The following CDH18 variants were observed in gnomAD, a reference collection of about 807,000 sequenced individuals.
CDH18 encodes cadherin 18.
In CDH18, 31 loss-of-function variants were observed where a neutral mutation model predicts 67.9. The ratio of observed to expected loss-of-function variants is 0.46; its 90% CI spans 0.34 to 0.62. CDH18 has a LOEUF of 0.62. Ranked by LOEUF, CDH18 falls within the 20% of genes least tolerant of loss-of-function variation. The probability of loss-of-function intolerance (pLI) is 0.01; values close to 1 mark genes in which losing one functional copy is unlikely to be tolerated. For missense variants in CDH18, 890 were observed against 975.5 expected (o/e 0.91, Z 1.17); for synonymous variants, 362 against 347.2 (o/e 1.04, Z -0.48).
intron 1 of CDH18, among the ~76,000 whole-genome samples, chr5:20,518,657 TA>T (rs1340861455): frequency 6.6e-6 from 1 of 152,254 alleles, no homozygotes. Context: ...TTGCCAAAAG[TA>T]CACTATTAAG....
chr5:20,373,672 C>T (rs1743187376), intron 1 of CDH18, among the ~76,000 whole-genome samples: 1 of 144,874 alleles, frequency 6.9e-6, no homozygotes, highest in African/African-American at 2.8e-5. Context: ...AATAAATACA[C>T]AAGCACAATT....
At position 19,576,867 on chromosome 5, in the gene CDH18, A is replaced by T. The variant is rs138477698; in HGVS notation, c.1000-5035T>A. Among the ~76,000 whole-genome samples the T allele has an allele frequency of 5.9e-5, 9 of 152,340 alleles. No homozygotes were observed. The East Asian group carries it at 1.4e-3, about 23-fold the overall frequency. ...ATTCATCCACGAATAAAAGGATTTT[A>T]AAAAATTGTGGTGTAGATACACAGT... On this transcript the variant is annotated intron_variant, in intron 7 of 12. Coordinates refer to ENST00000382275, the MANE Select transcript of CDH18 (RefSeq NM_004934.5).
intron 2 of CDH18, among the ~76,000 whole-genome samples, chr5:19,940,328 C>T (rs1794689111): frequency 6.6e-6 from 1 of 151,798 alleles, no homozygotes. Flanking sequence ...CCTATCTCCT[C>T]TACAATCTTC....
At chr5:20,567,389 G>C (rs183898540) in intron 1 of CDH18, among the ~76,000 whole-genome samples, 1 of 151,682 alleles carries the variant, frequency 6.6e-6, no homozygotes, top group African/African-American at 2.4e-5. Context: ...TTTTCTCAAT[G>C]ACAGCTACTT....
At chr5:20,571,935 G>A (rs1758843022) in intron 1 of CDH18, among the ~76,000 whole-genome samples, 1 of 152,020 alleles carries the variant, frequency 6.6e-6, no homozygotes, top group African/African-American at 2.4e-5. Context: ...CCCTAACCAA[G>A]TCCTGCAGTA....
intron 3 of CDH18, among the ~76,000 whole-genome samples, chr5:19,783,781 A>C (rs1039522372): frequency 6.6e-6 from 1 of 152,142 alleles, no homozygotes; most frequent in Non-Finnish European, 1.5e-5. Context: ...ACTAACTATT[A>C]ATTCTCATTT....
chr5:19,666,369 T>C (rs1000862232), intron 5 of CDH18, among the ~76,000 whole-genome samples: 2 of 151,232 alleles, frequency 1.3e-5, no homozygotes, highest in Non-Finnish European at 2.9e-5. Flanking sequence ...TGGCCTTCCA[T>C]AGTTTTGGGA....
rs532790108 is a variant in CDH18, at chr5:19,941,637, G to A, written c.-257+39423C>T. Among the ~76,000 whole-genome samples the A allele has an allele frequency of 7.2e-5, 11 of 151,790 alleles. No homozygotes were observed. In the South Asian group the frequency reaches 2.1e-3, roughly 29 times the overall value. ...ATCCCTACAAAAAAGAAAAAAAAGAGTTAACTGGGCATAGTGGCACATACC... is the reference window on the plus strand; with the variant it reads ...ATCCCTACAAAAAAGAAAAAAAAGAATTAACTGGGCATAGTGGCACATACC... On this transcript the variant is annotated intron_variant, in intron 2 of 12. Transcript: ENST00000382275.
chr5:20,368,661 A>G (rs1330662031), intron 1 of CDH18, among the ~76,000 whole-genome samples: 1 of 152,138 alleles, frequency 6.6e-6, no homozygotes, highest in Non-Finnish European at 1.5e-5. Flanking sequence ...AATTTGATAA[A>G]TTTTAGCTTT....
intron 2 of CDH18, among the ~76,000 whole-genome samples, chr5:20,250,556 G>T (rs998370592): frequency 7.4e-6 from 1 of 135,082 alleles, no homozygotes; most frequent in Non-Finnish European, 1.5e-5. Flanking sequence ...CTCCTAAAGT[G>T]CTGGGATTAC....
intron 8 of CDH18, among the ~76,000 whole-genome samples, chr5:19,544,270 C>T (rs1580120880): frequency 1.3e-5 from 2 of 151,590 alleles, no homozygotes; most frequent in South Asian, 4.1e-4. Context: ...ATAGCAGAAA[C>T]AGCGATTAAT....
At chr5:19,584,566 G>C (rs1006634780) in intron 7 of CDH18, among the ~76,000 whole-genome samples, 2 of 151,972 alleles carry the variant, frequency 1.3e-5, no homozygotes, top group African/African-American at 4.8e-5. Flanking sequence ...ATAACTCTGA[G>C]ATTGATAATC....
At chr5:19,492,459 A>G (rs1212173396) in intron 11 of CDH18, among the ~76,000 whole-genome samples, 1 of 152,166 alleles carries the variant, frequency 6.6e-6, no homozygotes, top group Non-Finnish European at 1.5e-5. Flanking sequence ...TATTCACTAT[A>G]GATGTGAAGT....
At chr5:20,516,578 G>A (rs1262817762) in intron 1 of CDH18, among the ~76,000 whole-genome samples, 1 of 151,806 alleles carries the variant, frequency 6.6e-6, no homozygotes, top group African/African-American at 2.4e-5. Context: ...CAGTATCTGG[G>A]ATAAGAATGC....
At position 19,815,375 on chromosome 5, in the gene CDH18, A is replaced by T. The variant is rs112092411; in HGVS notation, c.228+23384T>A. 3.2e-3 allele frequency among the ~76,000 whole-genome samples: 485 copies of T among 152,090 alleles called. 2 individuals carry two copies. The highest frequency in any genetic ancestry group is 9.5e-3 in the African/African-American group (395 of 41,552). ...ATGTTTATATAGTTATCATCTTGAC[A>T]ATATTGGATGACAATTGAGACCTTT... On this transcript the variant is annotated intron_variant, in intron 3 of 12. Transcript: ENST00000382275.
At chr5:20,424,215 A>G (rs1748096520) in intron 1 of CDH18, among the ~76,000 whole-genome samples, 1 of 150,856 alleles carries the variant, frequency 6.6e-6, no homozygotes, top group South Asian at 2.1e-4. Context: ...TGCTAAGACA[A>G]ATTACTCTGA....
intron 3 of CDH18, among the ~76,000 whole-genome samples, chr5:19,831,945 T>C (rs1781082675): frequency 6.6e-6 from 1 of 152,072 alleles, no homozygotes; most frequent in South Asian, 2.1e-4. Flanking sequence ...AACAAAATCA[T>C]GTCCTTTGCA....
At chr5:19,773,389 G>A (rs1349155249) in intron 3 of CDH18, among the ~76,000 whole-genome samples, 1 of 152,170 alleles carries the variant, frequency 6.6e-6, no homozygotes, top group East Asian at 1.9e-4. Context: ...GGATATAGCA[G>A]AAGCAAAATT....
intron 1 of CDH18, among the ~76,000 whole-genome samples, chr5:20,365,216 G>A (rs925926256): frequency 1.3e-5 from 2 of 152,166 alleles, no homozygotes; most frequent in Non-Finnish European, 2.9e-5. Flanking sequence ...TGTGTGCTGT[G>A]TGTTCCCATG....
Sources: gnomAD v4.1 joint callset for allele counts (sites outside exome capture counted in the v4.1 genomes callset) on GRCh38, gnomAD v4.1.1 for gene constraint, MANE v1.5 for transcripts, NCBI Gene and HGNC (gene_info 2026-07-23, HGNC 2026-07-21) for gene names.